Variants in HS6ST3 observed in about 807,000 individuals in gnomAD.
HS6ST3 encodes heparan-sulfate 6-O-sulfotransferase 3.
HS6ST3 carries 12 observed loss-of-function variants against 36.7 expected under a neutral mutation model. The ratio of observed to expected loss-of-function variants is 0.33; its 90% CI spans 0.21 to 0.53. The LOEUF (loss-of-function observed/expected upper bound fraction) is 0.53, where lower values mean the gene tolerates loss of function less well. Among genes scored for constraint, HS6ST3 ranks in the 20% least tolerant of loss-of-function variants. The pLI, the probability that HS6ST3 is intolerant of heterozygous loss-of-function variation, is 0.95. For synonymous variants in HS6ST3, 240 were observed against 257.5 expected, an observed-to-expected ratio of 0.93 and a Z score of 0.65; for missense variants, 584 against 640.9, an observed-to-expected ratio of 0.91 and a Z score of 0.96.
intron 1 of HS6ST3, among the ~76,000 whole-genome samples, chr13:96,647,010 C>T (rs2056591003): frequency 6.6e-6 from 1 of 151,874 alleles, no homozygotes; most frequent in Non-Finnish European, 1.5e-5. Flanking sequence ...GCTGAGCTTC[C>T]CTAAGAGTGC....
In HS6ST3 at chr13:96,375,331, T is replaced by C. The variant is rs2055309709; in HGVS notation, c.707+283762T>C. ...TTAGCATGACCTATGGCAATCCTGC[T>C]TTCTTGTTTTGTTTTTACTGTCTAC... is the stretch of plus-strand genomic sequence containing the variant. On this transcript the variant is annotated intron_variant, in intron 1 of 1. Coordinates refer to ENST00000376705, the MANE Select transcript of HS6ST3 (RefSeq NM_153456.4). 2.0e-5 allele frequency among the ~76,000 whole-genome samples: 3 copies of C among 152,186 alleles called. No individual in the cohort carries two copies. The South Asian group carries it at 6.2e-4, about 31-fold the overall frequency.
intron 1 of HS6ST3, among the ~76,000 whole-genome samples, chr13:96,796,716 G>A (rs892059614): frequency 5.3e-5 from 8 of 152,022 alleles, no homozygotes; most frequent in African/African-American, 1.4e-4. Context: ...TAGGATTAGG[G>A]TACGTGAAAG....
At chr13:96,830,952 G>A (rs1374118651) in intron 1 of HS6ST3, among the ~76,000 whole-genome samples, 2 of 152,194 alleles carry the variant, frequency 1.3e-5, no homozygotes, top group Non-Finnish European at 1.5e-5. Context: ...CAGCTTGCGG[G>A]CCTGCTCCGC....
At chr13:96,775,235 A>G (rs1467054735) in intron 1 of HS6ST3, among the ~76,000 whole-genome samples, 1 of 152,156 alleles carries the variant, frequency 6.6e-6, no homozygotes, top group African/African-American at 2.4e-5. Context: ...AACTTACCAA[A>G]TTGTAAAGAC....
At chr13:96,373,739 A>G (rs2055301454) in intron 1 of HS6ST3, among the ~76,000 whole-genome samples, 1 of 152,154 alleles carries the variant, frequency 6.6e-6, no homozygotes, top group Non-Finnish European at 1.5e-5. Flanking sequence ...TATTTCAATC[A>G]TGGCTGCTCT....
intron 1 of HS6ST3, chr13:96,574,079 A>G: frequency 1.8e-6 from 1 of 542,070 alleles, no homozygotes; most frequent in South Asian, 1.4e-5. Context: ...TCATGGCTGC[A>G]TTGGGACCTT....
chr13:96,327,660 C>T (rs1423435021), intron 1 of HS6ST3, among the ~76,000 whole-genome samples: 11 of 151,302 alleles, frequency 7.3e-5, no homozygotes, highest in East Asian at 3.9e-4. Flanking sequence ...CTTGGCGATG[C>T]GGGCTCTTTT....
chr13:96,682,547 T>C (rs2056722094), intron 1 of HS6ST3, among the ~76,000 whole-genome samples: 1 of 152,114 alleles, frequency 6.6e-6, no homozygotes, highest in Non-Finnish European at 1.5e-5. Context: ...CCAGTGAGTC[T>C]TAGGAAACTG....
chr13:96,366,466 A>AATAAATAAATAAATAAATAG (rs559684960), intron 1 of HS6ST3, among the ~76,000 whole-genome samples: 8 of 152,046 alleles, frequency 5.3e-5, no homozygotes, highest in African/African-American at 1.9e-4. Flanking sequence ...TAAATAAATA[A>AATAAATAAATAAATAAATAG]ATAAATAAAA....
chr13:96,355,341 A>G (rs1232756517), intron 1 of HS6ST3, among the ~76,000 whole-genome samples: 1 of 150,528 alleles, frequency 6.6e-6, no homozygotes, highest in African/African-American at 2.4e-5. Flanking sequence ...GGGAAAGTAA[A>G]AGCATGAGTC....
chr13:96,275,587 T>C (rs1299312086), intron 1 of HS6ST3, among the ~76,000 whole-genome samples: 1 of 152,234 alleles, frequency 6.6e-6, no homozygotes, highest in Non-Finnish European at 1.5e-5. Context: ...ACAACATACT[T>C]TCTCCAGTTA....
chr13:96,206,989 C>G (rs1409008351), intron 1 of HS6ST3, among the ~76,000 whole-genome samples: 1 of 152,146 alleles, frequency 6.6e-6, no homozygotes, highest in Non-Finnish European at 1.5e-5. Flanking sequence ...AGCTTCTGCA[C>G]AGCCAAATAA....
At chr13:96,142,477 C>A (rs1251618807) in intron 1 of HS6ST3, among the ~76,000 whole-genome samples, 1 of 152,088 alleles carries the variant, frequency 6.6e-6, no homozygotes, top group Non-Finnish European at 1.5e-5. Context: ...GTCAGTGACT[C>A]CTAAGGCAGG....
chr13:96,303,908 T>C (rs2054895764), intron 1 of HS6ST3, among the ~76,000 whole-genome samples: 2 of 152,072 alleles, frequency 1.3e-5, no homozygotes, highest in Admixed American at 6.6e-5. Context: ...TTTGAGAGGC[T>C]GAGGTGGGTG....
At chr13:96,737,352 G>T (rs1479728441) in intron 1 of HS6ST3, among the ~76,000 whole-genome samples, 1 of 152,024 alleles carries the variant, frequency 6.6e-6, no homozygotes, top group Admixed American at 6.6e-5. Context: ...TTGGCCGGGC[G>T]CGGTGGTTCA....
intron 1 of HS6ST3, among the ~76,000 whole-genome samples, chr13:96,680,335 T>C (rs551334230): frequency 6.6e-6 from 1 of 152,180 alleles, no homozygotes; most frequent in Admixed American, 6.5e-5. Flanking sequence ...AGTCCTGCAA[T>C]TGGATATGTG....
intron 1 of HS6ST3, among the ~76,000 whole-genome samples, chr13:96,737,208 G>T (rs1334113244): frequency 6.6e-6 from 1 of 152,038 alleles, no homozygotes; most frequent in African/African-American, 2.4e-5. Context: ...GAAATTAAAA[G>T]AATCATAAGA....
intron 1 of HS6ST3, among the ~76,000 whole-genome samples, chr13:96,346,446 T>C (rs548110013): frequency 7.9e-5 from 12 of 151,872 alleles, no homozygotes; most frequent in East Asian, 3.9e-4. Flanking sequence ...TGGTGGCAGG[T>C]GCCTGTAGTC....
At chr13:96,150,176 A>G (rs1484769100) in intron 1 of HS6ST3, among the ~76,000 whole-genome samples, 1 of 152,186 alleles carries the variant, frequency 6.6e-6, no homozygotes, top group Non-Finnish European at 1.5e-5. Context: ...GAAAGCTCTC[A>G]GTGGCAAGAG....
Sources: allele counts gnomAD v4.1 joint callset (sites outside exome capture counted in the v4.1 genomes callset), GRCh38; gene constraint gnomAD v4.1.1; transcripts MANE v1.5; gene names NCBI Gene and HGNC (gene_info 2026-07-23, HGNC 2026-07-21).